The following TRIM46 variants were observed in gnomAD, a reference collection of about 807,000 sequenced individuals.
TRIM46 encodes the protein tripartite motif-containing protein 46.
TRIM46 carries 17 observed loss-of-function variants against 69.7 expected under a neutral mutation model. The ratio of observed to expected loss-of-function variants is 0.24; its 90% CI spans 0.17 to 0.37. The LOEUF (loss-of-function observed/expected upper bound fraction) is 0.37, where lower values mean the gene tolerates loss of function less well. TRIM46 is among the 10% of genes least tolerant of loss of function. The probability of loss-of-function intolerance (pLI) is 1.00; values close to 1 mark genes in which losing one functional copy is unlikely to be tolerated. For missense variants in TRIM46, 675 were observed against 1,025.1 expected (o/e 0.66, Z 4.66); for synonymous variants, 391 against 429.0 (o/e 0.91, Z 1.09).
Position 155,177,055 on chromosome 1 carries a change from A to C in TRIM46, c.793A>C (p.Ser265Arg), listed in dbSNP as rs780617218. 6.2e-7 allele frequency: 1 copy of C among 1,613,324 alleles called. No homozygotes were observed. The highest frequency in any genetic ancestry group is 8.5e-7 in the Non-Finnish European group (1 of 1,179,280). ...HSGHKITPVL[S>R]AYQALKDKLT... is the part of the protein sequence containing the mutation. ...CGGGCACAAGATCACACCAGTGCTC[A>C]GTGCCTACCAGGCCCTCAAGGTAAG... Residue 265 changes from serine to arginine, a missense_variant, in exon 4 of 10, where the codon AGT becomes CGT. Physicochemically the swap from Ser to Arg is moderately radical, Grantham distance 110. Transcript: ENST00000334634.
Position 155,184,296 on chromosome 1 carries a change from T to G in TRIM46, c.*106T>G. The stretch of plus-strand genomic sequence containing the variant: ...TGGCAGCTTCTCCCCCAAACTCTCC[T>G]ACCATGTGGCCCTGCTCCTTCTCCC... On this transcript the variant is annotated 3_prime_UTR_variant, in exon 10 of 10. Coordinates refer to ENST00000334634, the MANE Select transcript of TRIM46 (RefSeq NM_025058.5). The surrounding 1 kb of genome is among the most constrained non-coding windows in gnomAD (Gnocchi z 5.6). 14 of 1,229,606 alleles carry G rather than the reference T, an allele frequency of 1.1e-5. No individual in the cohort carries two copies. Among genetic ancestry groups the G allele is most frequent in the Non-Finnish European group, 1.5e-5 (14 of 909,270 alleles). 76.2% of individuals were successfully genotyped at this position (1,229,606 alleles called of 1,614,324 possible).
In TRIM46 at chr1:155,181,515, C is replaced by G. The variant is rs1666173166; in HGVS notation, c.1589-337C>G. On this transcript the variant is annotated intron_variant, in intron 8 of 9. Transcript: ENST00000334634. This position sits in a 1 kb window ranked among gnomAD's most constrained non-coding sequence, Gnocchi z 4.3. Reference sequence around the variant, plus strand: ...CAGATTGATGGTGATGGGAATGTCACCAGGTGGAACAGAATAGTGGGAACT... The same window carrying G: ...CAGATTGATGGTGATGGGAATGTCAGCAGGTGGAACAGAATAGTGGGAACT... 6.6e-6 allele frequency among the ~76,000 whole-genome samples: 1 copy of G among 152,046 alleles called. No homozygotes were observed. The highest frequency in any genetic ancestry group is 1.9e-4 in the East Asian group (1 of 5,172).
At chr1:155,183,715 C>T in intron 9 of TRIM46, 82 bp from the exon 10 acceptor site, 3 of 1,547,804 alleles carry the variant, frequency 1.9e-6, no homozygotes, top group Non-Finnish European at 2.6e-6. Context: ...CCTTAACATT[C>T]CATCCTTCCA....
chr1:155,183,647 C>G, intron 9 of TRIM46, 150 bp from the exon 10 acceptor site: 1 of 1,003,730 alleles, frequency 1.0e-6, no homozygotes, highest in Non-Finnish European at 1.5e-6. Context: ...TACTCTAACC[C>G]CTGCCTCTTC....
chr1:155,179,793 C>A lies in TRIM46; in HGVS notation c.1447C>A (p.Arg483=). 1 of 1,612,822 alleles carries A rather than the reference C, an allele frequency of 6.2e-7. No individual in the cohort carries two copies. The change falls in exon 8 of 10, where the codon CGG becomes AGG. Residue 483 remains arginine (R), a synonymous_variant. Coordinates refer to ENST00000334634, the MANE Select transcript of TRIM46 (RefSeq NM_025058.5). ...AQPGPTRWQR[R]EEVRGTSALL... ...GCCAGGCCCCACCCGCTGGCAGCGG[C>A]GGGAGGAGGTGAGGGGCACCAGTGC... is the stretch of plus-strand genomic sequence containing the variant.
At chr1:155,179,552 T>G in intron 7 of TRIM46, 80 bp from the exon 8 acceptor site, 1 of 1,391,254 alleles carries the variant, frequency 7.2e-7, no homozygotes, top group Non-Finnish European at 9.7e-7. Flanking sequence ...CCCGCTGCTT[T>G]CCCTTTTCCT....
intron 1 of TRIM46, chr1:155,174,489 G>C (rs1665448378): frequency 1.1e-5 from 16 of 1,411,772 alleles, no homozygotes; most frequent in Non-Finnish European, 1.4e-5. Flanking sequence ...GGCTGCTTCC[G>C]AGCCTGCGGT....
rs766469087 is a variant in TRIM46, at chr1:155,175,810, CTAA to C, written c.326-76_326-74del. The stretch of plus-strand genomic sequence containing the variant: ...AGCTGAGCTCTGGCACAATGAAAAT[CTAA>C]TTTAATTAAACAGGCTTCCCCACAC... On this transcript the variant is annotated intron_variant, in intron 2 of 9. Coordinates refer to ENST00000334634, the MANE Select transcript of TRIM46 (RefSeq NM_025058.5). The surrounding 1 kb of genome is among the most constrained non-coding windows in gnomAD (Gnocchi z 4.2). The C allele has an allele frequency of 8.3e-6, 13 of 1,574,068 alleles. No individual in the cohort carries two copies. Among genetic ancestry groups the C allele is most frequent in the Admixed American group, 1.9e-5 (1 of 52,548 alleles).
chr1:155,174,773 C>T (rs971423125), intron 1 of TRIM46: 3 of 1,457,432 alleles, frequency 2.1e-6, no homozygotes, highest in East Asian at 2.6e-5. Flanking sequence ...AAGGGGGTGC[C>T]GCTGACCGGG....
chr1:155,180,653 G>GT (rs1392307429), intron 8 of TRIM46: 2 of 173,748 alleles, frequency 1.2e-5, no homozygotes, highest in Non-Finnish European at 2.4e-5. Context: ...GCTCACACCT[G>GT]TAATCCCAGC....
intron 5 of TRIM46, among the ~76,000 whole-genome samples, 182 bp from the exon 6 acceptor site, chr1:155,177,820 G>A (rs1269936510): frequency 6.6e-6 from 1 of 152,200 alleles, no homozygotes; most frequent in Non-Finnish European, 1.5e-5. Flanking sequence ...ACCAGGAGTT[G>A]AGTCCATCTA....
chr1:155,175,623 C>G lies in TRIM46; in HGVS notation c.301C>G (p.Arg101Gly), dbSNP rs1019707514. ...LSRRTLPKPD[R>G]LDRLLKSGFG... ...CCGCAGAACTCTCCCCAAGCCAGACCGCCTGGACCGGCTGCTTAAGTCAGG... is the reference window on the plus strand; with the variant it reads ...CCGCAGAACTCTCCCCAAGCCAGACGGCCTGGACCGGCTGCTTAAGTCAGG... The change falls in exon 2 of 10, where the codon CGC (arginine) becomes GGC (glycine). Residue 101 changes from arginine (R) to glycine (G), a missense_variant. Transcript: ENST00000334634. The surrounding 1 kb of genome is among the most constrained non-coding windows in gnomAD (Gnocchi z 4.2). 4 of 1,613,724 alleles carry G rather than the reference C, an allele frequency of 2.5e-6. No homozygotes were observed. Among genetic ancestry groups the G allele is most frequent in the East Asian group, 4.5e-5 (2 of 44,890 alleles).
At chr1:155,174,573 C>A (rs890119706) in intron 1 of TRIM46, 3 of 1,516,692 alleles carry the variant, frequency 2.0e-6, no homozygotes, top group Non-Finnish European at 2.6e-6. Flanking sequence ...TCCTCCCCCC[C>A]TCCTTGTTCC....
At chr1:155,176,292 T>TGCCTG in intron 3 of TRIM46, 61 bp downstream of exon 3, 2 of 1,476,590 alleles carry the variant, frequency 1.4e-6, no homozygotes, top group Non-Finnish European at 1.8e-6. Context: ...TGGGTGGGGG[T>TGCCTG]GCCTGGCATT....
intron 5 of TRIM46, 82 bp downstream of exon 5, chr1:155,177,372 C>T: frequency 8.2e-7 from 1 of 1,226,116 alleles, no homozygotes; most frequent in Admixed American, 1.8e-5. Context: ...ATGACCCAAT[C>T]ACCTTGTTGC....
chr1:155,183,195 C>T (rs1335342844), intron 9 of TRIM46, among the ~76,000 whole-genome samples: 1 of 151,930 alleles, frequency 6.6e-6, no homozygotes, highest in Non-Finnish European at 1.5e-5. Context: ...CAGGCGTGAG[C>T]CACTGTGCCT....
intron 9 of TRIM46, 23 bp from the exon 10 acceptor site, chr1:155,183,774 G>C (rs200962926): frequency 4.4e-6 from 7 of 1,596,922 alleles, no homozygotes; most frequent in Non-Finnish European, 5.1e-6. Flanking sequence ...CAACAATCTC[G>C]TCCCCAACAC....
chr1:155,175,729 G>A lies in TRIM46; in HGVS notation c.325+82G>A, dbSNP rs970419849. On this transcript the variant is annotated intron_variant, in intron 2 of 9. Coordinates refer to ENST00000334634, the MANE Select transcript of TRIM46 (RefSeq NM_025058.5). The surrounding 1 kb of genome is among the most constrained non-coding windows in gnomAD (Gnocchi z 4.2). ...TGGAAGAAGTCCATCACTGGTCAGA[G>A]GCATCTGTCTGTCTTTCTGGGGGGT... 1 of 1,605,918 alleles carries A rather than the reference G, an allele frequency of 6.2e-7. No homozygotes were observed.
intron 3 of TRIM46, 34 bp downstream of exon 3, chr1:155,176,265 G>A (rs1571734501): frequency 6.4e-7 from 1 of 1,554,938 alleles, no homozygotes; most frequent in Non-Finnish European, 8.7e-7. Flanking sequence ...GGGGAGGGAG[G>A]GACATGCTGC....
Sources: allele counts gnomAD v4.1 joint callset (sites outside exome capture counted in the v4.1 genomes callset), GRCh38; gene constraint gnomAD v4.1.1; non-coding constraint Gnocchi (gnomAD v3.1); transcripts MANE v1.5; gene names NCBI Gene and HGNC (gene_info 2026-07-23, HGNC 2026-07-21).